Variants in SLC36A1 observed in about 807,000 individuals in gnomAD.
SLC36A1 encodes the protein solute carrier family 36 member 1, also known as proton-coupled amino acid transporter 1.
SLC36A1 carries 30 observed loss-of-function variants against 47.5 expected under a neutral mutation model. That is an observed-to-expected ratio of 0.63 (90% CI 0.47 to 0.86). The LOEUF (loss-of-function observed/expected upper bound fraction) is 0.86, where lower values mean the gene tolerates loss of function less well. Ranked by LOEUF, SLC36A1 falls within the 40% of genes least tolerant of loss-of-function variation. The pLI is 0.00. For synonymous variants in SLC36A1, 255 were observed against 249.7 expected (o/e 1.02, Z -0.20); for missense variants, 517 against 606.0 (o/e 0.85, Z 1.54).
chr5:151,415,776 C>T, the SLC36A1 span, among the ~76,000 whole-genome samples: 1 of 152,096 alleles, frequency 6.6e-6, no homozygotes, highest in African/African-American at 2.4e-5. Flanking sequence ...TGAATGAGGC[C>T]CCGTTTCTCT....
chr5:151,550,475 G>A, the SLC36A1 span: 1 of 1,201,208 alleles, frequency 8.3e-7, no homozygotes, highest in Non-Finnish European at 1.2e-6. Flanking sequence ...TCACAACTCT[G>A]TCTCGTGCAT....
the SLC36A1 span, chr5:151,542,762 C>T: frequency 6.2e-7 from 1 of 1,614,220 alleles, no homozygotes; most frequent in Non-Finnish European, 8.5e-7. Context: ...TCATTGACGT[C>T]TCCCACTTGG....
the SLC36A1 span, among the ~76,000 whole-genome samples, chr5:151,539,316 A>G: frequency 3.3e-5 from 5 of 152,206 alleles, no homozygotes; most frequent in African/African-American, 1.2e-4. Flanking sequence ...ATATGTATTT[A>G]TGTGTGTTGC....
the SLC36A1 span, among the ~76,000 whole-genome samples, chr5:151,399,076 A>ATG: frequency 3.7e-5 from 3 of 80,678 alleles, no homozygotes; most frequent in African/African-American, 2.4e-4. Context: ...ATATATATAT[A>ATG]TATATATATT....
intron 10 of SLC36A1, among the ~76,000 whole-genome samples, chr5:151,480,786 C>T (rs6875491): frequency 3.4e-4 from 52 of 152,218 alleles, no homozygotes; most frequent in African/African-American, 1.1e-3. Context: ...ACAGCTTTCA[C>T]GTGTATGGTA....
the SLC36A1 span, among the ~76,000 whole-genome samples, chr5:151,386,664 A>C: frequency 6.6e-6 from 1 of 152,078 alleles, no homozygotes; most frequent in Non-Finnish European, 1.5e-5. Flanking sequence ...GTGCAATTGG[A>C]CACTCTCTCC....
chr5:151,461,961 CTT>C (rs35783925), intron 2 of SLC36A1, among the ~76,000 whole-genome samples: 1 of 144,592 alleles, frequency 6.9e-6, no homozygotes, highest in Non-Finnish European at 1.5e-5. Flanking sequence ...AACTTGCTGC[CTT>C]TTTTTTTTTT....
chr5:151,542,839 T>A, the SLC36A1 span: 4 of 1,614,204 alleles, frequency 2.5e-6, no homozygotes, highest in Non-Finnish European at 3.4e-6. Context: ...ATCAATCTGG[T>A]ACAATTTGGT....
the SLC36A1 span, among the ~76,000 whole-genome samples, chr5:151,500,870 A>G: frequency 1.3e-5 from 2 of 152,220 alleles, no homozygotes; most frequent in Admixed American, 1.3e-4. Context: ...GCCTCCCCGC[A>G]GGCCCAGTAA....
chr5:151,539,030 G>A, the SLC36A1 span, among the ~76,000 whole-genome samples: 1 of 152,048 alleles, frequency 6.6e-6, no homozygotes, highest in Non-Finnish European at 1.5e-5. Flanking sequence ...TAGTGATGCT[G>A]TGAACCATCT....
chr5:151,463,694 C>T (rs374179854), intron 3 of SLC36A1, 51 bp downstream of exon 3: 191 of 1,379,208 alleles, frequency 1.4e-4, no homozygotes, highest in Non-Finnish European at 1.8e-4. Context: ...TAGGAGGTAG[C>T]TTTTTGTTGT....
At chr5:151,348,146 G>A in the SLC36A1 span, among the ~76,000 whole-genome samples, 1 of 152,124 alleles carries the variant, frequency 6.6e-6, no homozygotes, top group Admixed American at 6.5e-5. Flanking sequence ...TTAATTCTTA[G>A]CTTTTGTGAG....
At chr5:151,361,457 A>G in the SLC36A1 span, among the ~76,000 whole-genome samples, 1 of 152,248 alleles carries the variant, frequency 6.6e-6, no homozygotes, top group African/African-American at 2.4e-5. Context: ...GTGCCCAGAT[A>G]TAAGATATTT....
At chr5:151,493,211 A>C (rs541164315), downstream of SLC36A1, among the ~76,000 whole-genome samples, 1 of 151,984 alleles carries the variant, frequency 6.6e-6, no homozygotes, top group Non-Finnish European at 1.5e-5. Flanking sequence ...TTATTCTCTC[A>C]CTCAATACAT....
At position 151,490,015 on chromosome 5, in the gene SLC36A1, CTT is replaced by C. The variant is rs1379839205; in HGVS notation, c.*1762_*1763del. The C allele has an allele frequency of 2.0e-5, 3 of 152,192 alleles. No homozygotes were observed. The highest frequency in any genetic ancestry group is 4.4e-5 in the Non-Finnish European group (3 of 68,068). 9.4% of individuals were successfully genotyped at this position (152,192 alleles called of 1,614,324 possible). On this transcript the variant is annotated 3_prime_UTR_variant, in exon 11 of 11. Transcript: ENST00000243389. ...CATATGGCCCCAGTTTTTTCTGTCT[CTT>C]CTGTTCCAAAGCCAGGAGAGCTGAC...
chr5:151,498,817 C>T, the SLC36A1 span, among the ~76,000 whole-genome samples: 1 of 152,210 alleles, frequency 6.6e-6, no homozygotes, highest in Admixed American at 6.5e-5. Flanking sequence ...GCTCAGATGG[C>T]TGGGCCCCTG....
the SLC36A1 span, chr5:151,510,177 A>T: frequency 6.2e-7 from 1 of 1,613,956 alleles, no homozygotes; most frequent in Non-Finnish European, 8.5e-7. Context: ...GACATAGCCT[A>T]GGAGAAAAAG....
the SLC36A1 span, among the ~76,000 whole-genome samples, chr5:151,522,825 G>A: frequency 6.6e-6 from 1 of 152,194 alleles, no homozygotes; most frequent in African/African-American, 2.4e-5. Context: ...TGGTGCTGGA[G>A]CAAGTGGGCA....
At chr5:151,467,400 A>C in intron 6 of SLC36A1, 117 bp downstream of exon 6, 6 of 744,404 alleles carry the variant, frequency 8.1e-6, no homozygotes, top group Non-Finnish European at 1.3e-5. Context: ...CAAAAGAGTT[A>C]AAGTTTTCAT....
Sources: allele counts gnomAD v4.1 joint callset (sites outside exome capture counted in the v4.1 genomes callset), GRCh38; gene constraint gnomAD v4.1.1; transcripts MANE v1.5; gene names NCBI Gene and HGNC (gene_info 2026-07-23, HGNC 2026-07-21).